FCHO2: variants seen among roughly 807,000 people sequenced by gnomAD.
The protein encoded by FCHO2 is FCH and mu domain containing endocytic adaptor 2.
FCHO2 carries 43 observed loss-of-function variants against 114.1 expected under a neutral mutation model. The ratio of observed to expected loss-of-function variants is 0.38; its 90% CI spans 0.30 to 0.49. The LOEUF (loss-of-function observed/expected upper bound fraction) is 0.49. Ranked by LOEUF, FCHO2 falls within the 20% of genes least tolerant of loss-of-function variation. The probability of loss-of-function intolerance (pLI) is 0.97; values close to 1 mark genes in which losing one functional copy is unlikely to be tolerated. For synonymous variants in FCHO2, 293 were observed against 315.2 expected, an observed-to-expected ratio of 0.93 and a Z score of 0.75; for missense variants, 807 against 950.4, an observed-to-expected ratio of 0.85 and a Z score of 1.98.
At chr5:72,997,132 C>T in intron 5 of FCHO2, 1 of 1,130,822 alleles carries the variant, frequency 8.8e-7, no homozygotes, top group East Asian at 2.3e-5. Context: ...TACTTATTCA[C>T]TCCCACCATG....
At chr5:73,077,765 G>A (rs545336857) in intron 21 of FCHO2, among the ~76,000 whole-genome samples, 21 of 152,220 alleles carry the variant, frequency 1.4e-4, no homozygotes, top group East Asian at 1.2e-3. Context: ...TGGGAGAATC[G>A]CTTGAGCCTA....
At position 73,002,083 on chromosome 5, in the gene FCHO2, G is replaced by T. The variant is rs115989297; in HGVS notation, c.496-4362G>T. On this transcript the variant is annotated intron_variant, in intron 5 of 25. Transcript: ENST00000430046. ...GATTTAGATCCAGCCGTTAACCTTT[G>T]AGATAAAGATAATAGTTTTATAGCC... 6.8e-3 allele frequency among the ~76,000 whole-genome samples: 1,034 copies of T among 152,204 alleles called. 7 individuals carry two copies. The highest frequency in any genetic ancestry group is 0.024 in the African/African-American group (987 of 41,538).
At chr5:73,082,277 A>G (rs1477051860) in intron 23 of FCHO2, among the ~76,000 whole-genome samples, 2 of 113,904 alleles carry the variant, frequency 1.8e-5, no homozygotes, top group Non-Finnish European at 3.8e-5. Context: ...TTTTTTTTTC[A>G]TTTAAAAAAT....
intron 1 of FCHO2, among the ~76,000 whole-genome samples, chr5:72,966,249 G>A (rs961556607): frequency 1.3e-5 from 2 of 152,104 alleles, no homozygotes; most frequent in African/African-American, 4.8e-5. Flanking sequence ...TGCTATCCAG[G>A]TTTTTTATTT....
At chr5:72,960,917 TTTAG>T (rs1446983455) in intron 1 of FCHO2, among the ~76,000 whole-genome samples, 1 of 152,134 alleles carries the variant, frequency 6.6e-6, no homozygotes, top group African/African-American at 2.4e-5. Flanking sequence ...AGCTGAGATT[TTTAG>T]TTAGGTGACT....
intron 2 of FCHO2, among the ~76,000 whole-genome samples, chr5:72,972,870 C>T (rs1307845577): frequency 4.6e-5 from 7 of 152,092 alleles, no homozygotes; most frequent in South Asian, 4.1e-4. Flanking sequence ...TTTTGAAATA[C>T]GTCCCATCAA....
rs148188420 is a variant in FCHO2 at position 73,057,047 on chromosome 5, C to T, written c.1253+940C>T. ...TGATCATGGCTCTCTGCAGCCTCAA[C>T]GTCCCAGGCTCAAATGATCCTCCCG... On this transcript the variant is annotated intron_variant, in intron 16 of 25. Coordinates refer to ENST00000430046, the MANE Select transcript of FCHO2 (RefSeq NM_138782.3). 7.4e-3 allele frequency among the ~76,000 whole-genome samples: 1,123 copies of T among 152,048 alleles called. 14 individuals carry two copies. The highest frequency in any genetic ancestry group is 0.026 in the African/African-American group (1,069 of 41,464).
chr5:73,002,213 C>A (rs1371443158), intron 5 of FCHO2, among the ~76,000 whole-genome samples: 1 of 152,024 alleles, frequency 6.6e-6, no homozygotes, highest in East Asian at 1.9e-4. Context: ...GTGTAAAAGC[C>A]TTAATGGTTT....
intron 8 of FCHO2, among the ~76,000 whole-genome samples, chr5:73,019,957 C>G (rs1307446235): frequency 1.3e-5 from 2 of 152,198 alleles, no homozygotes; most frequent in Non-Finnish European, 2.9e-5. Context: ...CTCCACACCT[C>G]TCACCAAGGC....
intron 2 of FCHO2, among the ~76,000 whole-genome samples, chr5:72,973,171 G>A (rs1752664106): frequency 1.3e-5 from 2 of 151,986 alleles, no homozygotes; most frequent in Admixed American, 6.6e-5. Flanking sequence ...CTCTTTTTTG[G>A]TTGTGTCTCT....
intron 8 of FCHO2, among the ~76,000 whole-genome samples, chr5:73,030,360 G>T (rs1310254079): frequency 2.0e-5 from 3 of 152,088 alleles, no homozygotes; most frequent in Non-Finnish European, 2.9e-5. Context: ...GATTTCATTG[G>T]TCCAGGGTGG....
chr5:72,976,420 G>C (rs534235259), intron 2 of FCHO2, among the ~76,000 whole-genome samples: 60 of 152,002 alleles, frequency 3.9e-4, no homozygotes, highest in African/African-American at 1.4e-3. Flanking sequence ...TGTTGCCCAG[G>C]CTGGTCTTGA....
chr5:73,002,856 T>C (rs1580082051), intron 5 of FCHO2, among the ~76,000 whole-genome samples: 1 of 152,176 alleles, frequency 6.6e-6, no homozygotes, highest in Non-Finnish European at 1.5e-5. Context: ...GAGGGTTGAA[T>C]GGTAAGTTGA....
intron 15 of FCHO2, 35 bp downstream of exon 15, chr5:73,054,584 T>G: frequency 1.0e-5 from 15 of 1,454,204 alleles, no homozygotes; most frequent in Non-Finnish European, 1.4e-5. Flanking sequence ...ATTTTATGTC[T>G]ATTAAAATTT....
Position 73,017,000 on chromosome 5 carries a change from G to A in FCHO2, c.700-212G>A, listed in dbSNP as rs148840402. Among the ~76,000 whole-genome samples the A allele has an allele frequency of 3.3e-4, 50 of 152,254 alleles. 1 individual carries two copies. Among genetic ancestry groups the A allele is most frequent in the African/African-American group, 1.2e-3 (48 of 41,554 alleles). On this transcript the variant is annotated intron_variant, in intron 7 of 25. Transcript: ENST00000430046. ...GAAAACTGCTTTGACTTCTAGGGGC[G>A]TGAGGCTATGTGTTAAGGGGTTAAT...
At chr5:72,982,172 T>C (rs1438832152) in intron 2 of FCHO2, among the ~76,000 whole-genome samples, 1 of 152,182 alleles carries the variant, frequency 6.6e-6, no homozygotes. Context: ...AGAGAGTTCC[T>C]GACCCCTTGT....
At chr5:73,057,213 A>AT (rs1188337512) in intron 16 of FCHO2, among the ~76,000 whole-genome samples, 2 of 152,110 alleles carry the variant, frequency 1.3e-5, no homozygotes, top group Non-Finnish European at 2.9e-5. Flanking sequence ...GGCATGAGCC[A>AT]TCAAGCCTGG....
chr5:73,044,111 T>C (rs1672727854), intron 11 of FCHO2, among the ~76,000 whole-genome samples: 1 of 152,198 alleles, frequency 6.6e-6, no homozygotes, highest in South Asian at 2.1e-4. Flanking sequence ...TAAGATATGC[T>C]TCCTTCCTCT....
intron 22 of FCHO2, among the ~76,000 whole-genome samples, chr5:73,081,418 T>TTCA (rs1029789807): frequency 3.3e-5 from 5 of 152,224 alleles, no homozygotes; most frequent in African/African-American, 1.2e-4. Flanking sequence ...ATGAAGAATC[T>TTCA]TTGAATTCTG....
Sources: allele counts gnomAD v4.1 joint callset (sites outside exome capture counted in the v4.1 genomes callset), GRCh38; gene constraint gnomAD v4.1.1; transcripts MANE v1.5; gene names NCBI Gene and HGNC (gene_info 2026-07-23, HGNC 2026-07-21).